The following MAGI2 variants were observed in gnomAD, a reference collection of about 807,000 sequenced individuals.
MAGI2 encodes the protein membrane-associated guanylate kinase, WW and PDZ domain-containing protein 2.
In MAGI2, 35 loss-of-function variants were observed where a neutral mutation model predicts 133.3. The ratio of observed to expected loss-of-function variants is 0.26; its 90% CI spans 0.20 to 0.35. The LOEUF (loss-of-function observed/expected upper bound fraction) is 0.35, where lower values mean the gene tolerates loss of function less well. MAGI2 is among the 10% of genes least tolerant of loss of function. The pLI, the probability that MAGI2 is intolerant of heterozygous loss-of-function variation, is 1.00. For missense variants in MAGI2, 1,636 were observed against 1,863.4 expected, an observed-to-expected ratio of 0.88 and a Z score of 2.25; for synonymous variants, 729 against 710.6, an observed-to-expected ratio of 1.03 and a Z score of -0.41.
chr7:78,541,828 A>G (rs764187717), intron 3 of MAGI2, among the ~76,000 whole-genome samples: 1 of 152,238 alleles, frequency 6.6e-6, no homozygotes. Flanking sequence ...CAAGTATTTT[A>G]TGATCTTCTA....
intron 1 of MAGI2, among the ~76,000 whole-genome samples, chr7:79,388,919 T>C (rs1170638682): frequency 6.6e-6 from 1 of 151,144 alleles, no homozygotes; most frequent in Non-Finnish European, 1.5e-5. Context: ...ATCACAGCAA[T>C]GGTAGCATTA....
chr7:79,414,594 A>T (rs933224397), intron 1 of MAGI2: 1 of 152,172 alleles, frequency 6.6e-6, no homozygotes, highest in Non-Finnish European at 1.5e-5. Context: ...AGATGGCAGA[A>T]TATGACAATC....
At chr7:78,461,581 A>AATTTCAAAATTTG (rs1790024082) in intron 6 of MAGI2, among the ~76,000 whole-genome samples, 1 of 152,064 alleles carries the variant, frequency 6.6e-6, no homozygotes, top group Non-Finnish European at 1.5e-5. Flanking sequence ...TTGGATTTAG[A>AATTTCAAAATTTG]GCTTTTCAAA....
chr7:78,513,015 A>C (rs1238422669), intron 4 of MAGI2, among the ~76,000 whole-genome samples: 1 of 152,188 alleles, frequency 6.6e-6, no homozygotes, highest in Non-Finnish European at 1.5e-5. Flanking sequence ...AATTCTTAAC[A>C]AACTTTGGGG....
chr7:78,614,476 G>A (rs1806849542), intron 3 of MAGI2: 1 of 151,974 alleles, frequency 6.6e-6, no homozygotes, highest in South Asian at 2.1e-4. Flanking sequence ...TTACAAATAT[G>A]CCACATACAA....
At chr7:78,460,698 A>G (rs1219507485) in intron 6 of MAGI2, among the ~76,000 whole-genome samples, 1 of 152,226 alleles carries the variant, frequency 6.6e-6, no homozygotes, top group Non-Finnish European at 1.5e-5. Flanking sequence ...TGTGCAAGGC[A>G]CTGAGGCCCT....
intron 2 of MAGI2, among the ~76,000 whole-genome samples, chr7:78,855,054 G>A (rs970733139): frequency 1.3e-5 from 2 of 151,546 alleles, no homozygotes; most frequent in Non-Finnish European, 2.9e-5. Context: ...ATGCGGTTTC[G>A]CCATGTTGCC....
intron 9 of MAGI2, among the ~76,000 whole-genome samples, chr7:78,318,810 G>A (rs111239875): frequency 0.22 from 34,077 of 151,996 alleles, 5,117 homozygotes; most frequent in African/African-American, 0.41. Context: ...AATGGGGGCC[G>A]ATATTCAACA....
chr7:79,210,671 A>T (rs1467284232), intron 1 of MAGI2, among the ~76,000 whole-genome samples: 1 of 152,022 alleles, frequency 6.6e-6, no homozygotes, highest in Non-Finnish European at 1.5e-5. Context: ...TGCGCATGCC[A>T]TCTGAAAGGG....
At chr7:78,613,499 A>G (rs1455913348) in intron 3 of MAGI2, among the ~76,000 whole-genome samples, 2 of 152,248 alleles carry the variant, frequency 1.3e-5, no homozygotes, top group African/African-American at 4.8e-5. Flanking sequence ...TCTAGGATAT[A>G]AAGTTGAACT....
chr7:78,685,365 G>T (rs10485910), intron 2 of MAGI2, among the ~76,000 whole-genome samples: 1 of 151,286 alleles, frequency 6.6e-6, no homozygotes, highest in Non-Finnish European at 1.5e-5. Context: ...CTTTCTTTCC[G>T]GCTCAAAATA....
chr7:78,173,957 T>C (rs2150666972), intron 14 of MAGI2, among the ~76,000 whole-genome samples: 1 of 152,256 alleles, frequency 6.6e-6, no homozygotes, highest in East Asian at 1.9e-4. Context: ...ATGAAATTAA[T>C]CGGCGCTCAA....
intron 20 of MAGI2, among the ~76,000 whole-genome samples, chr7:78,111,584 A>G (rs374945343): frequency 1.4e-4 from 22 of 152,140 alleles, no homozygotes; most frequent in Non-Finnish European, 2.5e-4. Flanking sequence ...TTCTCTAATC[A>G]ACACCACGCT....
At chr7:78,440,245 C>T (rs1008188643) in intron 6 of MAGI2, among the ~76,000 whole-genome samples, 1 of 152,080 alleles carries the variant, frequency 6.6e-6, no homozygotes, top group Non-Finnish European at 1.5e-5. Flanking sequence ...GGCATGCATT[C>T]ATTTATTCAT....
intron 2 of MAGI2, among the ~76,000 whole-genome samples, chr7:78,850,384 A>G (rs937007993): frequency 2.0e-5 from 3 of 152,138 alleles, no homozygotes; most frequent in African/African-American, 7.2e-5. Context: ...AGGGATATAC[A>G]TCACTAAAAA....
chr7:78,635,939 CAT>C (rs961717285), intron 2 of MAGI2, among the ~76,000 whole-genome samples: 17 of 152,142 alleles, frequency 1.1e-4, no homozygotes, highest in Non-Finnish European at 2.5e-4. Context: ...TTTATACAAA[CAT>C]AGAGCTAAAG....
chr7:78,660,780 T>C (rs1812867607), intron 2 of MAGI2, among the ~76,000 whole-genome samples: 1 of 152,194 alleles, frequency 6.6e-6, no homozygotes. Context: ...CTCCCCACTG[T>C]AATTGTCTCT....
At chr7:78,291,959 A>G (rs902272044) in intron 9 of MAGI2, among the ~76,000 whole-genome samples, 1 of 152,222 alleles carries the variant, frequency 6.6e-6, no homozygotes, top group South Asian at 2.1e-4. Context: ...ATTTATGACA[A>G]ACCCACAGCC....
intron 2 of MAGI2, among the ~76,000 whole-genome samples, chr7:78,790,853 T>G (rs2151368188): frequency 6.6e-6 from 1 of 152,262 alleles, no homozygotes; most frequent in South Asian, 2.1e-4. Context: ...TAGGTAAAAA[T>G]TATGATGCAT....
Sources: allele counts gnomAD v4.1 joint callset (sites outside exome capture counted in the v4.1 genomes callset), GRCh38; gene constraint gnomAD v4.1.1; transcripts MANE v1.5; gene names NCBI Gene and HGNC (gene_info 2026-07-23, HGNC 2026-07-21).